Variants in UNC13C observed in about 807,000 individuals in gnomAD.
The protein encoded by UNC13C is protein unc-13 homolog C.
Under a neutral mutation model 245.4 loss-of-function variants are expected in UNC13C, and 174 were observed. The observed-to-expected ratio is 0.71, with a 90% CI of 0.63 to 0.80. UNC13C has a LOEUF of 0.80. Ranked by LOEUF, UNC13C falls within the 30% of genes least tolerant of loss-of-function variation. UNC13C has a pLI of 0.00. For missense variants in UNC13C, 2,829 were observed against 2,602.9 expected, an observed-to-expected ratio of 1.09 and a Z score of -1.89; for synonymous variants, 992 against 895.1, an observed-to-expected ratio of 1.11 and a Z score of -1.93.
At chr15:54,350,242 G>A (rs1461359712) in intron 17 of UNC13C, among the ~76,000 whole-genome samples, 1 of 152,040 alleles carries the variant, frequency 6.6e-6, no homozygotes, top group Non-Finnish European at 1.5e-5. Flanking sequence ...CGCCTGCCTC[G>A]GCCTCCCAAA....
chr15:53,895,894 T>C, the UNC13C span, among the ~76,000 whole-genome samples: 3 of 151,960 alleles, frequency 2.0e-5, no homozygotes, highest in East Asian at 3.9e-4. Context: ...TCTTGTAAAA[T>C]GTAAAAAAAT....
intron 4 of UNC13C, among the ~76,000 whole-genome samples, chr15:54,232,296 T>G (rs78750464): frequency 0.026 from 3,928 of 152,226 alleles, 73 homozygotes; most frequent in Non-Finnish European, 0.042. Flanking sequence ...TCAGTGAAAT[T>G]CAGTGGTAAA....
At chr15:53,976,475 C>CTT (rs879775519), upstream of UNC13C, among the ~76,000 whole-genome samples, 854 of 63,580 alleles carry the variant, frequency 0.013, 30 homozygotes, top group African/African-American at 0.039. Context: ...CTCTCTCTCT[C>CTT]TCTTTTTTTT....
At chr15:54,626,250 C>G (rs560293989) in intron 32 of UNC13C, among the ~76,000 whole-genome samples, 1 of 152,186 alleles carries the variant, frequency 6.6e-6, no homozygotes, top group South Asian at 2.1e-4. Context: ...CTAACTGTTA[C>G]CATAGGAAAG....
intron 20 of UNC13C, among the ~76,000 whole-genome samples, chr15:54,498,254 A>G (rs1206637832): frequency 1.3e-5 from 2 of 152,234 alleles, no homozygotes; most frequent in African/African-American, 2.4e-5. Context: ...TTAGGAACAC[A>G]TGGTACATTT....
rs535812252 is a variant in UNC13C at position 53,984,483 on chromosome 15, GTGTT to G, written c.-257+5560_-257+5563del. ...CTAGAGAATAAATCCCTTAAGTACA[GTGTT>G]TGTGCAAACTTTGGCAAGTTACTTA... On this transcript the variant is annotated intron_variant, in intron 1 of 32. Transcript: ENST00000260323. 2.0e-5 allele frequency among the ~76,000 whole-genome samples: 3 copies of G among 152,274 alleles called. 1 individual carries two copies. The highest frequency in any genetic ancestry group is 7.2e-5 in the African/African-American group (3 of 41,566).
intron 30 of UNC13C, among the ~76,000 whole-genome samples, chr15:54,603,539 CT>C (rs1258175600): frequency 2.6e-5 from 4 of 151,070 alleles, no homozygotes; most frequent in African/African-American, 9.8e-5. Context: ...ACTCCCACCC[CT>C]GAAACCATTC....
intron 2 of UNC13C, among the ~76,000 whole-genome samples, chr15:54,041,602 A>C (rs1224839450): frequency 1.3e-5 from 2 of 152,196 alleles, no homozygotes; most frequent in Non-Finnish European, 2.9e-5. Context: ...CATGATTCGG[A>C]GATAATTGTC....
Position 54,250,446 on chromosome 15 carries a change from T to C in UNC13C, c.3448+2T>C, listed in dbSNP as rs2036115814. On this transcript the variant is annotated splice_donor_variant, in intron 8 of 32. Transcript: ENST00000260323. LOFTEE classifies it high-confidence loss of function. ...TGCTAAACGCTGACTGCTTGCAGAGTGAGTACTTGGTTTGGCTGAAAAAGT... is the reference window on the plus strand; with the variant it reads ...TGCTAAACGCTGACTGCTTGCAGAGCGAGTACTTGGTTTGGCTGAAAAAGT... The C allele has an allele frequency of 6.2e-7, 1 of 1,600,774 alleles. No homozygotes were observed. The highest frequency in any genetic ancestry group is 8.5e-7 in the Non-Finnish European group (1 of 1,173,066).
At chr15:54,464,862 A>C (rs1267640285) in intron 19 of UNC13C, among the ~76,000 whole-genome samples, 1 of 152,046 alleles carries the variant, frequency 6.6e-6, no homozygotes, top group East Asian at 1.9e-4. Flanking sequence ...ATAGTATTCA[A>C]AGGTATTCAT....
chr15:54,338,101 G>T (rs1376254159), intron 16 of UNC13C, among the ~76,000 whole-genome samples: 2 of 152,108 alleles, frequency 1.3e-5, no homozygotes, highest in Non-Finnish European at 2.9e-5. Context: ...ATGATGGAAT[G>T]GAATGAAATC....
intron 17 of UNC13C, among the ~76,000 whole-genome samples, chr15:54,353,870 C>T (rs1434504618): frequency 6.6e-6 from 1 of 152,136 alleles, no homozygotes; most frequent in Non-Finnish European, 1.5e-5. Flanking sequence ...AAAACAGTCC[C>T]ATAAAAACTT....
chr15:54,093,839 A>G (rs564446462), intron 2 of UNC13C, among the ~76,000 whole-genome samples: 2 of 152,334 alleles, frequency 1.3e-5, no homozygotes, highest in South Asian at 2.1e-4. Context: ...TTTATCCTCA[A>G]AATGGTCTTT....
At chr15:53,926,335 A>T in the UNC13C span, among the ~76,000 whole-genome samples, 4 of 152,172 alleles carry the variant, frequency 2.6e-5, 1 homozygote, top group Admixed American at 2.6e-4. Flanking sequence ...TCCTAGGGAA[A>T]CCACTTGATT....
At chr15:54,443,278 CTTTG>C (rs917656694) in intron 19 of UNC13C, among the ~76,000 whole-genome samples, 3 of 151,976 alleles carry the variant, frequency 2.0e-5, no homozygotes, top group East Asian at 1.9e-4. Flanking sequence ...TCAATTTTGA[CTTTG>C]TTTATTTGGA....
chr15:53,882,041 C>T, the UNC13C span, among the ~76,000 whole-genome samples: 10 of 152,224 alleles, frequency 6.6e-5, no homozygotes, highest in South Asian at 4.1e-4. Flanking sequence ...ATATCCAGAA[C>T]GTGCATGATT....
At chr15:54,464,156 G>A (rs992271754) in intron 19 of UNC13C, among the ~76,000 whole-genome samples, 12 of 152,094 alleles carry the variant, frequency 7.9e-5, no homozygotes, top group African/African-American at 2.9e-4. Flanking sequence ...TTATCAATAT[G>A]CTCAATATTT....
chr15:54,503,798 A>G (rs1361625550), intron 22 of UNC13C, among the ~76,000 whole-genome samples: 2 of 152,178 alleles, frequency 1.3e-5, no homozygotes, highest in Non-Finnish European at 2.9e-5. Flanking sequence ...GTGACTGACT[A>G]ATTAGTCTTG....
At chr15:53,938,542 A>C in the UNC13C span, among the ~76,000 whole-genome samples, 3 of 152,156 alleles carry the variant, frequency 2.0e-5, no homozygotes, top group Non-Finnish European at 4.4e-5. Context: ...CCACCCCCAA[A>C]CAACAAAATA....
Sources: allele counts gnomAD v4.1 joint callset (sites outside exome capture counted in the v4.1 genomes callset), GRCh38; gene constraint gnomAD v4.1.1; transcripts MANE v1.5; gene names NCBI Gene and HGNC (gene_info 2026-07-23, HGNC 2026-07-21).